Variants in NELL2 observed in about 807,000 individuals in gnomAD.
The protein encoded by NELL2 is protein kinase C-binding protein NELL2.
In NELL2, 41 loss-of-function variants were observed where a neutral mutation model predicts 109.6. The ratio of observed to expected loss-of-function variants is 0.37; its 90% CI spans 0.29 to 0.49. The LOEUF is 0.49. Among genes scored for constraint, NELL2 ranks in the 20% least tolerant of loss-of-function variants. The pLI is 0.98. For synonymous variants in NELL2, 355 were observed against 344.7 expected, an observed-to-expected ratio of 1.03 and a Z score of -0.33; for missense variants, 900 against 1,008.3, an observed-to-expected ratio of 0.89 and a Z score of 1.45.
chr12:44,709,606 A>T (rs1322324877), intron 11 of NELL2, among the ~76,000 whole-genome samples: 1 of 152,188 alleles, frequency 6.6e-6, no homozygotes, highest in African/African-American at 2.4e-5. Context: ...AGCAATAGAT[A>T]GTTTTTTTGC....
intron 2 of NELL2, among the ~76,000 whole-genome samples, chr12:44,818,739 AT>A (rs907406696): frequency 1.9e-5 from 2 of 105,182 alleles, no homozygotes; most frequent in East Asian, 3.3e-4. Flanking sequence ...TTTTTTTTTT[AT>A]TTTTTTTTTT....
At chr12:44,602,828 T>C (rs1351968852) in intron 15 of NELL2, among the ~76,000 whole-genome samples, 3 of 152,134 alleles carry the variant, frequency 2.0e-5, no homozygotes, top group Non-Finnish European at 4.4e-5. Flanking sequence ...ATATACCTTT[T>C]ATGATGAAAA....
At chr12:44,644,015 A>G (rs1946958917) in intron 13 of NELL2, among the ~76,000 whole-genome samples, 1 of 152,158 alleles carries the variant, frequency 6.6e-6, no homozygotes, top group Admixed American at 6.5e-5. Context: ...ACAAACTGTA[A>G]AGGAATAATA....
At chr12:44,664,693 T>C (rs968671663) in intron 13 of NELL2, among the ~76,000 whole-genome samples, 5 of 152,140 alleles carry the variant, frequency 3.3e-5, no homozygotes, top group Admixed American at 2.6e-4. Context: ...CTCTCCAGTT[T>C]TATGATTCTA....
intron 11 of NELL2, among the ~76,000 whole-genome samples, chr12:44,704,880 A>T (rs1442158545): frequency 6.6e-6 from 1 of 151,942 alleles, no homozygotes; most frequent in Non-Finnish European, 1.5e-5. Flanking sequence ...TTATCTGGGC[A>T]TGGTGGCAGG....
intron 9 of NELL2, among the ~76,000 whole-genome samples, chr12:44,761,583 AT>A (rs1411382039): frequency 6.6e-6 from 1 of 152,182 alleles, no homozygotes; most frequent in African/African-American, 2.4e-5. Context: ...TAGCAGGACT[AT>A]TCACAACAGC....
intron 2 of NELL2, among the ~76,000 whole-genome samples, chr12:44,821,698 T>C (rs1943547871): frequency 6.6e-6 from 1 of 151,966 alleles, no homozygotes; most frequent in Non-Finnish European, 1.5e-5. Context: ...ACTTTATTTC[T>C]ATTATCATTA....
intron 3 of NELL2, among the ~76,000 whole-genome samples, chr12:44,815,600 A>G (rs185730616): frequency 3.3e-5 from 5 of 152,310 alleles, no homozygotes; most frequent in Non-Finnish European, 7.3e-5. Flanking sequence ...AATGTAACAA[A>G]ACCATTCTAT....
At chr12:44,639,381 C>T (rs577134166) in intron 13 of NELL2, among the ~76,000 whole-genome samples, 31 of 152,262 alleles carry the variant, frequency 2.0e-4, no homozygotes, top group African/African-American at 6.7e-4. Flanking sequence ...GTTATCATAA[C>T]GACGACCATG....
At chr12:44,525,620 G>T (rs1177254886) in intron 16 of NELL2, among the ~76,000 whole-genome samples, 1 of 152,176 alleles carries the variant, frequency 6.6e-6, no homozygotes, top group African/African-American at 2.4e-5. Flanking sequence ...TACAAGGTGT[G>T]TATTCTGCTT....
chr12:44,913,747 TA>T (rs1555235244), intron 1 of NELL2: 1 of 693,534 alleles, frequency 1.4e-6, no homozygotes, highest in East Asian at 3.8e-5. Flanking sequence ...AAAGAATTTT[TA>T]AAATGGTGTT....
At chr12:44,525,814 C>A (rs1941741587) in intron 16 of NELL2, among the ~76,000 whole-genome samples, 1 of 152,200 alleles carries the variant, frequency 6.6e-6, no homozygotes, top group South Asian at 2.1e-4. Context: ...TCCCTACTTG[C>A]TTCCTATCAC....
upstream of NELL2, among the ~76,000 whole-genome samples, chr12:44,881,165 T>C (rs1489527780): frequency 6.6e-6 from 1 of 152,024 alleles, no homozygotes; most frequent in Non-Finnish European, 1.5e-5. Flanking sequence ...TTCACCACAG[T>C]ACTTAACAAA....
chr12:44,903,150 T>C (rs530859436), intron 1 of NELL2, among the ~76,000 whole-genome samples: 1 of 149,936 alleles, frequency 6.7e-6, no homozygotes, highest in East Asian at 2.0e-4. Context: ...ATCTATCCAG[T>C]GGGGCTAATA....
intron 11 of NELL2, among the ~76,000 whole-genome samples, chr12:44,708,016 C>T (rs1023509767): frequency 6.6e-6 from 1 of 152,068 alleles, no homozygotes; most frequent in Non-Finnish European, 1.5e-5. Context: ...GCCATCTAGT[C>T]AATAAGCCTT....
chr12:44,723,170 G>A (rs1427854833), intron 9 of NELL2, among the ~76,000 whole-genome samples: 3 of 150,214 alleles, frequency 2.0e-5, no homozygotes, highest in African/African-American at 5.0e-5. Context: ...CAGCCTGGGC[G>A]ACAGAGCAAG....
intron 3 of NELL2, among the ~76,000 whole-genome samples, chr12:44,792,089 G>A (rs1445493397): frequency 3.3e-5 from 5 of 152,178 alleles, no homozygotes; most frequent in East Asian, 3.9e-4. Flanking sequence ...TCAAAAAAGA[G>A]GGAGTGATCA....
intron 16 of NELL2, among the ~76,000 whole-genome samples, chr12:44,531,222 A>T (rs1286208214): frequency 2.0e-5 from 3 of 152,228 alleles, no homozygotes; most frequent in Non-Finnish European, 4.4e-5. Flanking sequence ...TAATCCATAT[A>T]CATGCTTCTG....
intron 15 of NELL2, among the ~76,000 whole-genome samples, chr12:44,539,107 A>G (rs1000213247): frequency 6.6e-6 from 1 of 152,152 alleles, no homozygotes; most frequent in African/African-American, 2.4e-5. Flanking sequence ...GTTTCCCCCC[A>G]TATTCTCCTC....
Sources: gnomAD v4.1 joint callset for allele counts (sites outside exome capture counted in the v4.1 genomes callset) on GRCh38, gnomAD v4.1.1 for gene constraint, MANE v1.5 for transcripts, NCBI Gene and HGNC (gene_info 2026-07-23, HGNC 2026-07-21) for gene names.